The following GALNT13 variants were observed in gnomAD, a reference collection of about 807,000 sequenced individuals.
The protein encoded by GALNT13 is polypeptide N-acetylgalactosaminyltransferase 13, also known as UDP-GalNAc:polypeptide N-acetylgalactosaminyltransferase 13.
A neutral mutation model predicts 64.2 loss-of-function variants in GALNT13; 28 were observed. That is an observed-to-expected ratio of 0.44 (90% CI 0.32 to 0.60). The LOEUF is 0.60. Among genes scored for constraint, GALNT13 ranks in the 20% least tolerant of loss-of-function variants. The probability of loss-of-function intolerance (pLI) is 0.05; values close to 1 mark genes in which losing one functional copy is unlikely to be tolerated. For missense variants in GALNT13, 577 were observed against 669.8 expected, an observed-to-expected ratio of 0.86 and a Z score of 1.53; for synonymous variants, 214 against 224.6, an observed-to-expected ratio of 0.95 and a Z score of 0.42.
the GALNT13 span, among the ~76,000 whole-genome samples, chr2:153,512,642 T>C: frequency 2.0e-5 from 3 of 152,188 alleles, no homozygotes. Context: ...GCAGAGTAAA[T>C]GAGTTAATAC....
the GALNT13 span, among the ~76,000 whole-genome samples, chr2:153,726,939 CAAAAAAAAAAA>C: frequency 2.0e-5 from 1 of 50,968 alleles, no homozygotes; most frequent in Non-Finnish European, 4.3e-5. Context: ...GACTCCATCT[CAAAAAAAAAAA>C]AAAAAACAAA....
At chr2:153,739,754 G>A in the GALNT13 span, among the ~76,000 whole-genome samples, 1 of 150,892 alleles carries the variant, frequency 6.6e-6, no homozygotes, top group Admixed American at 6.6e-5. Flanking sequence ...CATGTATGTT[G>A]CTCATTTTGA....
At chr2:153,346,277 C>T in the GALNT13 span, among the ~76,000 whole-genome samples, 2,238 of 152,200 alleles carry the variant, frequency 0.015, 62 homozygotes, top group African/African-American at 0.051. Context: ...ATTACCAAAT[C>T]TTCTATAGCC....
At chr2:153,155,222 G>T in the GALNT13 span, among the ~76,000 whole-genome samples, 1 of 152,246 alleles carries the variant, frequency 6.6e-6, no homozygotes, top group African/African-American at 2.4e-5. Context: ...TTTGTATCAG[G>T]ATGATGCTGG....
the GALNT13 span, among the ~76,000 whole-genome samples, chr2:153,854,550 C>T: frequency 6.6e-6 from 1 of 152,000 alleles, no homozygotes; most frequent in Non-Finnish European, 1.5e-5. Flanking sequence ...CATTGCAGTC[C>T]AGCTTGGGGA....
the GALNT13 span, among the ~76,000 whole-genome samples, chr2:153,598,004 A>G: frequency 1.3e-4 from 20 of 152,130 alleles, no homozygotes; most frequent in African/African-American, 4.1e-4. Context: ...TGGTACACCT[A>G]CTTTAGAAAA....
the GALNT13 span, among the ~76,000 whole-genome samples, chr2:153,436,468 T>A: frequency 6.6e-6 from 1 of 152,218 alleles, no homozygotes; most frequent in Non-Finnish European, 1.5e-5. Context: ...TGGACTTTTT[T>A]TGGTTGGTAA....
chr2:153,776,022 C>T, the GALNT13 span, among the ~76,000 whole-genome samples: 517 of 151,910 alleles, frequency 3.4e-3, 4 homozygotes, highest in Non-Finnish European at 5.7e-3. Context: ...ATTGCAAATC[C>T]GAGTGAATCA....
At chr2:153,620,761 G>C in the GALNT13 span, among the ~76,000 whole-genome samples, 311 of 151,620 alleles carry the variant, frequency 2.1e-3, 1 homozygote, top group African/African-American at 6.8e-3. Flanking sequence ...TTGATCACTG[G>C]GTGCCTTATT....
At chr2:153,488,591 G>A in the GALNT13 span, among the ~76,000 whole-genome samples, 2 of 152,154 alleles carry the variant, frequency 1.3e-5, no homozygotes, top group African/African-American at 4.8e-5. Context: ...CATCATTGCT[G>A]GAGAGCCTGC....
chr2:153,940,546 C>T (rs1048545035), intron 2 of GALNT13, among the ~76,000 whole-genome samples: 4 of 151,978 alleles, frequency 2.6e-5, no homozygotes, highest in South Asian at 2.1e-4. Context: ...TGTGAGCCAC[C>T]GTGCCCGGCC....
At chr2:154,312,399 G>C (rs904695344) in intron 9 of GALNT13, among the ~76,000 whole-genome samples, 20 of 152,142 alleles carry the variant, frequency 1.3e-4, no homozygotes, top group South Asian at 4.1e-4. Flanking sequence ...GATTTCTTCT[G>C]TAAAGAAACT....
the GALNT13 span, among the ~76,000 whole-genome samples, chr2:153,403,428 G>GCCTACAGAGGCAGGCAA: frequency 4.6e-5 from 7 of 152,176 alleles, no homozygotes; most frequent in African/African-American, 1.7e-4. Context: ...GAGGCAGGCA[G>GCCTACAGAGGCAGGCAA]GCCTCCTTGA....
At chr2:154,217,576 A>T (rs996154621) in intron 4 of GALNT13, among the ~76,000 whole-genome samples, 3 of 152,140 alleles carry the variant, frequency 2.0e-5, no homozygotes, top group Non-Finnish European at 4.4e-5. Context: ...TTTATAGACC[A>T]TGCTGACGTT....
the GALNT13 span, among the ~76,000 whole-genome samples, chr2:153,639,839 A>G: frequency 1.3e-5 from 2 of 152,194 alleles, no homozygotes; most frequent in African/African-American, 2.4e-5. Context: ...CAGGAGCTGG[A>G]CAGGTTTTGG....
the GALNT13 span, among the ~76,000 whole-genome samples, chr2:153,080,233 C>A: frequency 6.6e-6 from 1 of 151,780 alleles, no homozygotes; most frequent in African/African-American, 2.4e-5. Context: ...TTATCTTACC[C>A]CTTTTTCTTT....
the GALNT13 span, among the ~76,000 whole-genome samples, chr2:153,739,436 CTTT>C: frequency 6.6e-6 from 1 of 150,882 alleles, no homozygotes; most frequent in African/African-American, 2.4e-5. Flanking sequence ...ATTTTCCATA[CTTT>C]GAAGATGCAG....
the GALNT13 span, among the ~76,000 whole-genome samples, chr2:153,576,623 G>T: frequency 6.6e-6 from 1 of 152,202 alleles, no homozygotes; most frequent in Admixed American, 6.5e-5. Context: ...CCCCTGCTGG[G>T]GGTTGGGGAA....
the GALNT13 span, among the ~76,000 whole-genome samples, chr2:153,148,021 A>G: frequency 1.3e-5 from 2 of 151,850 alleles, no homozygotes; most frequent in Non-Finnish European, 2.9e-5. Context: ...TCTAGTGGAT[A>G]GATTCCTATT....
Sources: allele counts gnomAD v4.1 joint callset (sites outside exome capture counted in the v4.1 genomes callset), GRCh38; gene constraint gnomAD v4.1.1; transcripts MANE v1.5; gene names NCBI Gene and HGNC (gene_info 2026-07-23, HGNC 2026-07-21).